The following TENM3 variants were observed in gnomAD, a reference collection of about 807,000 sequenced individuals.
The protein encoded by TENM3 is teneurin transmembrane protein 3, also known as teneurin-3.
In TENM3, 63 loss-of-function variants were observed where a neutral mutation model predicts 255.1. The ratio of observed to expected loss-of-function variants is 0.25; its 90% CI spans 0.20 to 0.30. The LOEUF (loss-of-function observed/expected upper bound fraction) is 0.30. Among genes scored for constraint, TENM3 ranks in the 10% least tolerant of loss-of-function variants. The pLI is 1.00. For synonymous variants in TENM3, 1,306 were observed against 1,322.3 expected (o/e 0.99, Z 0.27); for missense variants, 2,929 against 3,461.1 (o/e 0.85, Z 3.86).
At chr4:181,481,678 C>T in the TENM3 span, among the ~76,000 whole-genome samples, 2 of 152,168 alleles carry the variant, frequency 1.3e-5, no homozygotes, top group Non-Finnish European at 2.9e-5. Flanking sequence ...TCAGTACCTT[C>T]TCTCTTCCAG....
intron 3 of TENM3, among the ~76,000 whole-genome samples, chr4:182,457,029 G>A (rs899768072): frequency 7.3e-5 from 11 of 151,626 alleles, no homozygotes; most frequent in Non-Finnish European, 1.3e-4. Context: ...CTAAAAATAC[G>A]AACAAATTAG....
the TENM3 span, among the ~76,000 whole-genome samples, chr4:181,487,599 T>C: frequency 6.6e-6 from 1 of 152,104 alleles, no homozygotes; most frequent in Non-Finnish European, 1.5e-5. Flanking sequence ...CCTAATCACC[T>C]CCCCAAAGTC....
chr4:181,612,867 T>C, the TENM3 span, among the ~76,000 whole-genome samples: 42 of 152,196 alleles, frequency 2.8e-4, no homozygotes, highest in Non-Finnish European at 3.4e-4. Context: ...ATAAAAAAGA[T>C]ACAACACTAT....
At chr4:181,474,934 C>G in the TENM3 span, among the ~76,000 whole-genome samples, 25 of 152,198 alleles carry the variant, frequency 1.6e-4, no homozygotes, top group Admixed American at 1.2e-3. Context: ...ACTGAAGAGA[C>G]TCTGGACTCT....
the TENM3 span, among the ~76,000 whole-genome samples, chr4:181,666,622 T>G: frequency 1.3e-5 from 2 of 152,180 alleles, no homozygotes; most frequent in Non-Finnish European, 2.9e-5. Context: ...ATAATAAAAA[T>G]GTACTACTTT....
At chr4:182,727,382 T>G (rs982030862) in intron 13 of TENM3, among the ~76,000 whole-genome samples, 1 of 147,530 alleles carries the variant, frequency 6.8e-6, no homozygotes, top group Non-Finnish European at 1.5e-5. Flanking sequence ...CTTGAACCAG[T>G]TAGGCGGAGG....
intron 3 of TENM3, among the ~76,000 whole-genome samples, chr4:182,434,322 C>G (rs1343609963): frequency 6.6e-6 from 1 of 152,062 alleles, no homozygotes; most frequent in Non-Finnish European, 1.5e-5. Flanking sequence ...GTAACTTGCT[C>G]TGCATGTAGA....
intron 3 of TENM3, among the ~76,000 whole-genome samples, chr4:182,473,468 T>C (rs972163272): frequency 2.6e-5 from 4 of 152,056 alleles, no homozygotes; most frequent in Admixed American, 6.6e-5. Flanking sequence ...AGTCAGGAGA[T>C]CGAGACCATG....
chr4:181,487,908 A>T, the TENM3 span, among the ~76,000 whole-genome samples: 3 of 152,212 alleles, frequency 2.0e-5, no homozygotes, highest in Non-Finnish European at 4.4e-5. Flanking sequence ...TGTTAAAAAA[A>T]ATTCCCACTC....
At chr4:182,599,626 A>G (rs527349371) in intron 3 of TENM3, among the ~76,000 whole-genome samples, 2 of 152,312 alleles carry the variant, frequency 1.3e-5, no homozygotes, top group South Asian at 4.1e-4. Context: ...GTTTGATAAT[A>G]TATATTAAAA....
At chr4:182,254,089 T>C (rs1207697770) in intron 1 of TENM3, among the ~76,000 whole-genome samples, 2 of 152,228 alleles carry the variant, frequency 1.3e-5, no homozygotes, top group Non-Finnish European at 2.9e-5. Context: ...TGGACATTAG[T>C]TTCTTGATGC....
At chr4:182,108,981 A>G in the TENM3 span, among the ~76,000 whole-genome samples, 2 of 152,110 alleles carry the variant, frequency 1.3e-5, no homozygotes, top group East Asian at 1.9e-4. Flanking sequence ...AATCAATACC[A>G]TGCCAATTAT....
At chr4:181,836,660 C>T in the TENM3 span, among the ~76,000 whole-genome samples, 4 of 152,272 alleles carry the variant, frequency 2.6e-5, no homozygotes, top group East Asian at 1.9e-4. Context: ...CCAATATCAC[C>T]GTGCCTTAAT....
intron 3 of TENM3, 106 bp from the exon 4 acceptor site, chr4:182,600,818 A>G (rs1747753210): frequency 1.1e-4 from 54 of 491,618 alleles, no homozygotes; most frequent in Middle Eastern, 5.7e-4. Flanking sequence ...GCAGTTTTTA[A>G]TTCTAATTCA....
At position 182,729,066 on chromosome 4, in the gene TENM3, C is replaced by G. The variant is rs760216456; in HGVS notation, c.2470C>G (p.Gln824Glu). 3.1e-6 allele frequency: 5 copies of G among 1,613,868 alleles called. No individual in the cohort carries two copies. In the African/African-American group the frequency reaches 6.7e-5, roughly 22 times the overall value. The change falls in exon 14 of 28, where the codon CAA becomes GAA. Residue 824 changes from glutamine (Q) to glutamate (E), a missense_variant. By Grantham distance (29) the Gln-to-Glu change is conservative. This residue lies in a region of TENM3 where 1,608 missense variants were observed against 1,884.4 expected (regional missense o/e 0.85). Transcript: ENST00000511685. The stretch of plus-strand genomic sequence containing the variant: ...GCCGGATCCTCAGGACATCATTAGC[C>G]AAAGCCTTCAATCGCCTTCTCAGCA... The part of the protein sequence containing the change: ...GLPDPQDIIS[Q>E]SLQSPSQQAA...
chr4:181,708,749 T>C, the TENM3 span, among the ~76,000 whole-genome samples: 1 of 152,166 alleles, frequency 6.6e-6, no homozygotes, highest in Non-Finnish European at 1.5e-5. Flanking sequence ...GGTCTAAGGA[T>C]GTTTTAAAGC....
the TENM3 span, among the ~76,000 whole-genome samples, chr4:181,795,725 G>A: frequency 6.6e-6 from 1 of 152,178 alleles, no homozygotes; most frequent in Non-Finnish European, 1.5e-5. Context: ...AAATAGCATG[G>A]CACATGGGAA....
intron 22 of TENM3, among the ~76,000 whole-genome samples, chr4:182,763,288 C>T (rs761343949): frequency 9.9e-5 from 15 of 152,126 alleles, no homozygotes; most frequent in African/African-American, 2.9e-4. Flanking sequence ...TGGGGGCGGG[C>T]GCGGTGGCTC....
At chr4:181,883,126 C>CTTTTTTTTTTTTTTTTTTTTTTTTTTT in the TENM3 span, among the ~76,000 whole-genome samples, 40 of 106,714 alleles carry the variant, frequency 3.7e-4, 1 homozygote, top group Non-Finnish European at 5.0e-4. Flanking sequence ...TGCAATTAAT[C>CTTTTTTTTTTTTTTTTTTTTTTTTTTT]TTTTTTTTTT....
Sources: gnomAD v4.1 joint callset for allele counts (sites outside exome capture counted in the v4.1 genomes callset) on GRCh38, gnomAD v4.1.1 for gene constraint, gnomAD v4.1.1 regional missense constraint, MANE v1.5 for transcripts, NCBI Gene and HGNC (gene_info 2026-07-23, HGNC 2026-07-21) for gene names.